IFT122: variants seen among roughly 807,000 people sequenced by gnomAD.
IFT122 encodes the protein intraflagellar transport 122.
Under a neutral mutation model 161.6 loss-of-function variants are expected in IFT122, and 118 were observed. The observed-to-expected ratio is 0.73, with a 90% CI of 0.63 to 0.85. IFT122 has a LOEUF of 0.85. IFT122 is among the 40% of genes least tolerant of loss of function. The pLI, the probability that IFT122 is intolerant of heterozygous loss-of-function variation, is 0.00. For missense variants in IFT122, 1,381 were observed against 1,579.6 expected (o/e 0.87, Z 2.13); for synonymous variants, 550 against 602.4 (o/e 0.91, Z 1.27).
intron 7 of IFT122, among the ~76,000 whole-genome samples, chr3:129,466,495 CT>C (rs527470540): frequency 0.03 from 3,092 of 101,858 alleles, 39 homozygotes; most frequent in East Asian, 0.24. Flanking sequence ...TATTTTTATT[CT>C]TTTTTTTTTT....
At chr3:129,449,454 G>T (rs146611342) in intron 1 of IFT122, among the ~76,000 whole-genome samples, 107 of 152,330 alleles carry the variant, frequency 7.0e-4, no homozygotes, top group Non-Finnish European at 1.1e-3. Flanking sequence ...TTTCCCTGAG[G>T]GGAGGGAGGG....
chr3:129,476,255 A>G lies in IFT122; in HGVS notation c.817-60A>G, dbSNP rs373055341. 18 of 1,553,394 alleles carry G rather than the reference A, an allele frequency of 1.2e-5. No homozygotes were observed. In the South Asian group the frequency reaches 1.7e-4, roughly 15 times the overall value. ...TTGGCGAGAAAAAGCCCTTAATTGT[A>G]TTGCAATGGTTATGGATTCGGAAAT... On this transcript the variant is annotated intron_variant, in intron 9 of 29. Transcript: ENST00000348417.
chr3:129,441,317 TC>T (rs1375380451), intron 1 of IFT122, among the ~76,000 whole-genome samples: 12 of 152,180 alleles, frequency 7.9e-5, no homozygotes, highest in African/African-American at 2.7e-4. Flanking sequence ...CACACGGAAA[TC>T]CTGAACATCC....
At chr3:129,488,485 C>T (rs1394503286) in intron 16 of IFT122, 88 bp downstream of exon 16, 5 of 1,554,908 alleles carry the variant, frequency 3.2e-6, no homozygotes, top group African/African-American at 1.4e-5. Context: ...ACGGAGAGGC[C>T]ATAGACTGCA....
Position 129,517,473 on chromosome 3 carries a change from G to C in IFT122, c.3270G>C (p.Val1090=). 1.9e-6 allele frequency: 3 copies of C among 1,613,626 alleles called. No individual in the cohort carries two copies. Among genetic ancestry groups the C allele is most frequent in the Non-Finnish European group, 2.5e-6 (3 of 1,179,680 alleles). The change falls in exon 27 of 30, where the codon GTG becomes GTC. Residue 1090 remains valine, a synonymous_variant. Transcript: ENST00000348417. ...PFIFSASSYD[V]LHLVEFYLEE... is the part of the protein sequence containing the mutation. ...CCCTTTCTCTATGCCCTCCAGACGT[G>C]CTACACCTGGTTGAGTTCTACCTGG... is the stretch of plus-strand genomic sequence containing the variant.
Position 129,454,513 on chromosome 3 carries a change from T to TTGTGTGTGTGTGTGTGTG in IFT122, c.193+2542_193+2559dup, listed in dbSNP as rs61557048. Among the ~76,000 whole-genome samples, 99 of 131,274 alleles carry TTGTGTGTGTGTGTGTGTG rather than the reference T, an allele frequency of 7.5e-4. 1 individual carries two copies. Among genetic ancestry groups the TTGTGTGTGTGTGTGTGTG allele is most frequent in the African/African-American group, 2.8e-3 (91 of 32,992 alleles). The allele number at this position is 131,274 out of a possible 152,430, so 86.1% of individuals were successfully genotyped here. On this transcript the variant is annotated intron_variant, in intron 3 of 29. Coordinates refer to ENST00000348417, the MANE Select transcript of IFT122 (RefSeq NM_052989.3). ...GTGTGCTGTACCATGGTAGTCATAT[T>TTGTGTGTGTGTGTGTGTG]TGTGTGTGTGTGTGTGTGTGTGTGT...
At chr3:129,472,577 T>C (rs1018486583) in intron 9 of IFT122, among the ~76,000 whole-genome samples, 2 of 151,718 alleles carry the variant, frequency 1.3e-5, no homozygotes, top group Non-Finnish European at 2.9e-5. Flanking sequence ...CTTCTTGGTG[T>C]TCACTGAGCT....
Position 129,517,570 on chromosome 3 carries a change from A to G in IFT122, c.3367A>G (p.Arg1123Gly), listed in dbSNP as rs1052271655. The change falls in exon 27 of 30, where the codon AGA (arginine) becomes GGA (glycine). Residue 1123 changes from arginine (R) to glycine (G), a missense_variant. Around this residue, in one of 7 missense-constraint regions of IFT122, gnomAD observed 177 missense variants for 199.2 expected, o/e 0.89. Coordinates refer to ENST00000348417, the MANE Select transcript of IFT122 (RefSeq NM_052989.3). Reference sequence around the variant, plus strand: ...GGTGCTGAGACCCAAGCGGGATGACAGACAGCTAGAGATTGCAAACAACAG... The same window carrying G: ...GGTGCTGAGACCCAAGCGGGATGACGGACAGCTAGAGATTGCAAACAACAG... ...LEVLRPKRDD[R>G]QLEIANNSSQ... 9 of 1,613,674 alleles carry G rather than the reference A, an allele frequency of 5.6e-6. No individual in the cohort carries two copies. The highest frequency in any genetic ancestry group is 6.8e-6 in the Non-Finnish European group (8 of 1,179,774).
intron 26 of IFT122, among the ~76,000 whole-genome samples, chr3:129,516,461 G>A (rs1442993344): frequency 1.8e-5 from 2 of 110,880 alleles, no homozygotes; most frequent in African/African-American, 4.1e-5. Context: ...CACAGAGACC[G>A]CCCCTGCACA....
At chr3:129,449,981 T>A in intron 2 of IFT122, 44 bp downstream of exon 2, 1 of 1,217,260 alleles carries the variant, frequency 8.2e-7, no homozygotes, top group Non-Finnish European at 1.2e-6. Context: ...TTCCCTAACC[T>A]CCCTCTTGTG....
chr3:129,445,220 G>A (rs1300809172), intron 1 of IFT122, among the ~76,000 whole-genome samples: 4 of 152,142 alleles, frequency 2.6e-5, no homozygotes, highest in African/African-American at 9.7e-5. Context: ...CAGCTACTCA[G>A]GAGGCTAAGG....
At position 129,519,729 on chromosome 3, in the gene IFT122, C is replaced by T. The variant is rs766632887; in HGVS notation, c.3633C>T (p.Phe1211=). The T allele has an allele frequency of 6.2e-7, 1 of 1,613,624 alleles. No homozygotes were observed. The highest frequency in any genetic ancestry group is 1.1e-5 in the South Asian group (1 of 91,082). ...DASITMCPSC[F]QMFHSEDYEL... is the part of the protein sequence containing the mutation. ...CCATTACCATGTGCCCCTCCTGCTT[C>T]CAGGTAGGTGGCCACCCTGGTAGCT... Residue 1211 remains phenylalanine (F), a synonymous_variant, in exon 29 of 30, where the codon TTC becomes TTT. Transcript: ENST00000348417.
At chr3:129,446,846 A>G (rs1182771375) in intron 1 of IFT122, among the ~76,000 whole-genome samples, 1 of 151,908 alleles carries the variant, frequency 6.6e-6, no homozygotes, top group Admixed American at 6.5e-5. Context: ...AACTTTTACT[A>G]TGGGTTGGGT....
At chr3:129,515,222 C>A (rs1204776029) in intron 25 of IFT122, 4 of 582,906 alleles carry the variant, frequency 6.9e-6, no homozygotes, top group Non-Finnish European at 6.2e-6. Context: ...CACTGTCATT[C>A]CTGCCAGGGG....
chr3:129,463,532 T>C (rs565916911), intron 5 of IFT122, 28 bp from the exon 6 acceptor site: 2 of 1,598,652 alleles, frequency 1.3e-6, no homozygotes, highest in African/African-American at 2.7e-5. Flanking sequence ...AACCAATCCA[T>C]CTTCTTTTAT....
At chr3:129,494,214 T>TG (rs60689714) in intron 17 of IFT122, among the ~76,000 whole-genome samples, 13,539 of 151,590 alleles carry the variant, frequency 0.089, 658 homozygotes, top group South Asian at 0.13. Flanking sequence ...GTTTGTTTGT[T>TG]TGTTTTTTTT....
At chr3:129,490,728 A>C (rs1198121269) in intron 16 of IFT122, among the ~76,000 whole-genome samples, 1 of 152,154 alleles carries the variant, frequency 6.6e-6, no homozygotes, top group Non-Finnish European at 1.5e-5. Flanking sequence ...TGGGCTTTGC[A>C]GGGTTGCCCT....
chr3:129,466,495 C>CTTTTTTTTTTTTTTTTTTTTTTTTT (rs527470540), intron 7 of IFT122, among the ~76,000 whole-genome samples: 1 of 102,180 alleles, frequency 9.8e-6, no homozygotes, highest in Non-Finnish European at 1.9e-5. Flanking sequence ...TATTTTTATT[C>CTTTTTTTTTTTTTTTTTTTTTTTTT]TTTTTTTTTT....
At chr3:129,497,279 T>G (rs6802395) in intron 18 of IFT122, among the ~76,000 whole-genome samples, 57,968 of 151,958 alleles carry the variant, frequency 0.38, 17,858 homozygotes, top group African/African-American at 0.83. Context: ...AAAAAAATAA[T>G]AAAATGCCTG....
Sources: allele counts gnomAD v4.1 joint callset (sites outside exome capture counted in the v4.1 genomes callset), GRCh38; gene constraint gnomAD v4.1.1; regional missense constraint gnomAD v4.1.1; transcripts MANE v1.5; gene names NCBI Gene and HGNC (gene_info 2026-07-23, HGNC 2026-07-21).